The following COG2 variants were observed in gnomAD, a reference collection of about 807,000 sequenced individuals.
COG2 encodes the protein conserved oligomeric Golgi complex subunit 2.
Under a neutral mutation model 90.6 loss-of-function variants are expected in COG2, and 52 were observed. The ratio of observed to expected loss-of-function variants is 0.57; its 90% CI spans 0.46 to 0.72. COG2 has a LOEUF of 0.72. Among genes scored for constraint, COG2 ranks in the 30% least tolerant of loss-of-function variants. The probability of loss-of-function intolerance (pLI) is 0.00; values close to 1 mark genes in which losing one functional copy is unlikely to be tolerated. For missense variants in COG2, 829 were observed against 891.2 expected (o/e 0.93, Z 0.89); for synonymous variants, 337 against 320.4 (o/e 1.05, Z -0.55).
At chr1:230,691,622 G>A in intron 17 of COG2, 58 bp downstream of exon 17, 2 of 1,510,246 alleles carry the variant, frequency 1.3e-6, no homozygotes, top group South Asian at 1.2e-5. Context: ...TGAGAGCCGG[G>A]CAGTTACTTG....
At chr1:230,647,243 A>G (rs968786749) in intron 1 of COG2, among the ~76,000 whole-genome samples, 2 of 152,174 alleles carry the variant, frequency 1.3e-5, no homozygotes, top group African/African-American at 4.8e-5. Context: ...GAAAAAACAT[A>G]GCGTATATAG....
intron 5 of COG2, among the ~76,000 whole-genome samples, chr1:230,666,583 C>T (rs1380625984): frequency 1.3e-5 from 2 of 152,196 alleles, no homozygotes; most frequent in Admixed American, 6.5e-5. Context: ...CCAAGCTGCT[C>T]CTTGCCACTT....
intron 1 of COG2, among the ~76,000 whole-genome samples, chr1:230,647,436 T>A (rs141198071): frequency 0.011 from 1,700 of 152,306 alleles, 9 homozygotes; most frequent in Non-Finnish European, 0.018. Flanking sequence ...AGCAGTGACC[T>A]GGAGATGTGG....
intron 1 of COG2, among the ~76,000 whole-genome samples, chr1:230,653,947 T>C (rs1471877677): frequency 1.3e-5 from 2 of 152,152 alleles, no homozygotes; most frequent in African/African-American, 4.8e-5. Flanking sequence ...CTTAAAGGTA[T>C]CCTCTCAACT....
intron 5 of COG2, among the ~76,000 whole-genome samples, chr1:230,667,738 G>T (rs1456561087): frequency 6.6e-6 from 1 of 152,140 alleles, no homozygotes; most frequent in Non-Finnish European, 1.5e-5. Flanking sequence ...TACAGAACTG[G>T]GTGGACCACT....
intron 10 of COG2, chr1:230,680,188 G>A (rs910423104): frequency 6.6e-6 from 1 of 152,166 alleles, no homozygotes; most frequent in Non-Finnish European, 1.5e-5. Context: ...TTTGATTTGT[G>A]AGCAGGATTT....
chr1:230,669,780 G>A (rs942252409), intron 7 of COG2: 1 of 376,206 alleles, frequency 2.7e-6, no homozygotes, highest in Admixed American at 4.1e-5. Context: ...CTTCAAGGGC[G>A]AGATTCAAGG....
chr1:230,685,832 T>G (rs1362152314), intron 12 of COG2, among the ~76,000 whole-genome samples: 1 of 152,172 alleles, frequency 6.6e-6, no homozygotes, highest in African/African-American at 2.4e-5. Flanking sequence ...TGCTGGGACC[T>G]CGGATTGCAG....
intron 9 of COG2, among the ~76,000 whole-genome samples, chr1:230,676,160 CTT>C (rs1312385807): frequency 1.3e-5 from 2 of 152,084 alleles, no homozygotes; most frequent in Non-Finnish European, 2.9e-5. Context: ...TAATTAGGTA[CTT>C]TATTAAATTT....
rs184442866 is a variant in COG2 at position 230,678,326 on chromosome 1, T to C, written c.1027-587T>C. ...ATGGGGATGATGATGATGATGATGA[T>C]GGTAGTTGCCCTGTGGGGTCGTTTT... On this transcript the variant is annotated intron_variant, in intron 9 of 17. Coordinates refer to ENST00000366669, the MANE Select transcript of COG2 (RefSeq NM_007357.3). 2,046 of 985,390 alleles carry C rather than the reference T, an allele frequency of 2.1e-3. 3 individuals carry two copies. The highest frequency in any genetic ancestry group is 2.3e-3 in the Non-Finnish European group (1,905 of 829,920). 61.0% of individuals were successfully genotyped at this position (985,390 alleles called of 1,614,324 possible). A position where few individuals can be genotyped will look rare whatever the true frequency, so the allele number is the denominator to read the frequency against.
chr1:230,687,238 G>A (rs1662905993), intron 13 of COG2, 106 bp downstream of exon 13: 1 of 849,308 alleles, frequency 1.2e-6, no homozygotes, highest in Non-Finnish European at 1.8e-6. Flanking sequence ...GCTTAAATTG[G>A]GGGACCCGTG....
chr1:230,643,821 A>G (rs1055394622), intron 1 of COG2, among the ~76,000 whole-genome samples: 3 of 152,192 alleles, frequency 2.0e-5, no homozygotes, highest in Non-Finnish European at 4.4e-5. Flanking sequence ...CAAAGAATGT[A>G]CAGAATCAAC....
Position 230,691,553 on chromosome 1 carries a change from T to C in COG2, c.2104T>C (p.Leu702=). The change falls in exon 17 of 18, where the codon TTG becomes CTG. Residue 702 remains leucine, a synonymous_variant. Coordinates refer to ENST00000366669, the MANE Select transcript of COG2 (RefSeq NM_007357.3). The part of the protein sequence containing the change: ...RLQLALDVEY[L]GEQIQKLGLQ... ...GCAGTTGGCCCTAGATGTTGAGTAC[T>C]TGGGAGAGCAGGTAACCCATCAGCC... is the stretch of plus-strand genomic sequence containing the variant. 2 of 1,612,194 alleles carry C rather than the reference T, an allele frequency of 1.2e-6. No homozygotes were observed. Among genetic ancestry groups the C allele is most frequent in the Non-Finnish European group, 1.7e-6 (2 of 1,179,246 alleles).
intron 17 of COG2, among the ~76,000 whole-genome samples, chr1:230,692,047 T>G (rs1367859081): frequency 6.6e-6 from 1 of 152,004 alleles, no homozygotes; most frequent in African/African-American, 2.4e-5. Flanking sequence ...GGCACGTAGT[T>G]GAATGGTAAT....
intron 1 of COG2, among the ~76,000 whole-genome samples, chr1:230,644,487 A>G (rs1661712325): frequency 6.6e-6 from 1 of 152,218 alleles, no homozygotes. Context: ...TAGGTTTTGT[A>G]CGTGTGAGAA....
At chr1:230,673,334 C>A (rs1360329203) in intron 8 of COG2, among the ~76,000 whole-genome samples, 1 of 152,184 alleles carries the variant, frequency 6.6e-6, no homozygotes, top group East Asian at 1.9e-4. Flanking sequence ...TCTGCATATC[C>A]CTTTCCTTCC....
chr1:230,686,211 C>T (rs1239586116), intron 12 of COG2, among the ~76,000 whole-genome samples: 1 of 152,174 alleles, frequency 6.6e-6, no homozygotes, highest in Non-Finnish European at 1.5e-5. Context: ...TAATGGGAGT[C>T]TAGTGAAATC....
Position 230,659,496 on chromosome 1 carries a change from C to T in COG2, c.105C>T (p.Asp35=). 1 of 1,613,810 alleles carries T rather than the reference C, an allele frequency of 6.2e-7. No individual in the cohort carries two copies. Among genetic ancestry groups the T allele is most frequent in the South Asian group, 1.1e-5 (1 of 91,040 alleles). The stretch of plus-strand genomic sequence containing the variant: ...TCGATGTCGATCATTTTGTGTCTGA[C>T]TGTAGGAAGCGGGTCCAGCTGGAAG... ...EDFDVDHFVS[D]CRKRVQLEEL... is the part of the protein sequence containing the mutation. The change falls in exon 2 of 18, where the codon GAC becomes GAT. Residue 35 remains aspartate (D), a synonymous_variant. Transcript: ENST00000366669.
intron 8 of COG2, among the ~76,000 whole-genome samples, chr1:230,673,503 A>G (rs1184671383): frequency 1.3e-5 from 2 of 152,250 alleles, no homozygotes; most frequent in Non-Finnish European, 2.9e-5. Context: ...TAATCCATCA[A>G]CTGTTAATCT....
Sources: gnomAD v4.1 joint callset for allele counts (sites outside exome capture counted in the v4.1 genomes callset) on GRCh38, gnomAD v4.1.1 for gene constraint, MANE v1.5 for transcripts, NCBI Gene and HGNC (gene_info 2026-07-23, HGNC 2026-07-21) for gene names.